SLC20A2: variants seen among roughly 807,000 people sequenced by gnomAD.
The protein encoded by SLC20A2 is sodium-dependent phosphate transporter 2.
A neutral mutation model predicts 61.0 loss-of-function variants in SLC20A2; 30 were observed. The ratio of observed to expected loss-of-function variants is 0.49; its 90% CI spans 0.37 to 0.67. SLC20A2 has a LOEUF of 0.67. SLC20A2 is among the 30% of genes least tolerant of loss of function. SLC20A2 has a pLI of 0.00. For synonymous variants in SLC20A2, 351 were observed against 353.3 expected (o/e 0.99, Z 0.07); for missense variants, 626 against 866.4 (o/e 0.72, Z 3.48).
intron 5 of SLC20A2, among the ~76,000 whole-genome samples, chr8:42,452,042 AGGGG>A (rs1298559105): frequency 0.015 from 1,667 of 112,912 alleles, 328 homozygotes; most frequent in African/African-American, 0.063. Flanking sequence ...GGAGGAAGAG[AGGGG>A]GAGGAAGAGA....
At chr8:42,454,848 G>A (rs1187534784) in intron 5 of SLC20A2, among the ~76,000 whole-genome samples, 2 of 152,062 alleles carry the variant, frequency 1.3e-5, no homozygotes, top group Non-Finnish European at 2.9e-5. Context: ...GGGATGACAG[G>A]TGTTAACCAC....
At position 42,472,044 on chromosome 8, in the gene SLC20A2, T is replaced by C. The variant is rs947617991; in HGVS notation, c.289+58A>G. 4.0e-6 allele frequency: 6 copies of C among 1,510,284 alleles called. No homozygotes were observed. In the African/African-American group the frequency reaches 4.1e-5, roughly 10 times the overall value. 93.6% of individuals were successfully genotyped at this position (1,510,284 alleles called of 1,614,324 possible). On this transcript the variant is annotated intron_variant, in intron 2 of 10. Coordinates refer to ENST00000520262, the MANE Select transcript of SLC20A2 (RefSeq NM_001257180.2). The surrounding 1 kb of genome is among the most constrained non-coding windows in gnomAD (Gnocchi z 4.1). ...ACATTTATGGATATGGGCAAAGTAC[T>C]GCAGGGAAGCGGGTCAGTGGGCGGA...
intron 4 of SLC20A2, among the ~76,000 whole-genome samples, chr8:42,462,023 T>A (rs1806744898): frequency 6.6e-6 from 1 of 152,106 alleles, no homozygotes; most frequent in Non-Finnish European, 1.5e-5. Flanking sequence ...CTAAGTGCCG[T>A]GATGGCAAGG....
chr8:42,429,993 C>T (rs767653062), intron 9 of SLC20A2, 71 bp downstream of exon 9: 127 of 1,383,690 alleles, frequency 9.2e-5, no homozygotes, highest in Non-Finnish European at 1.2e-4. Flanking sequence ...GCCGTTCAGA[C>T]ACAGCCGGGA....
upstream of SLC20A2, among the ~76,000 whole-genome samples, chr8:42,503,370 G>A (rs118170864): frequency 3.7e-4 from 56 of 152,158 alleles, no homozygotes; most frequent in Admixed American, 1.6e-3. Context: ...CAGGGAAGGC[G>A]GTGACCTATG....
At chr8:42,497,206 T>C (rs537268076) in intron 1 of SLC20A2, among the ~76,000 whole-genome samples, 134 of 152,274 alleles carry the variant, frequency 8.8e-4, no homozygotes, top group Non-Finnish European at 1.6e-3. Context: ...CTTTAGAGAG[T>C]ACATTGAAAA....
intron 8 of SLC20A2, among the ~76,000 whole-genome samples, chr8:42,435,299 T>C (rs1804164686): frequency 2.0e-5 from 3 of 152,010 alleles, no homozygotes. Flanking sequence ...GCGTAGCCCA[T>C]GGGGAGTCAC....
At chr8:42,530,639 A>AG (rs1812259121) in intron 1 of SLC20A2, among the ~76,000 whole-genome samples, 1 of 152,248 alleles carries the variant, frequency 6.6e-6, no homozygotes, top group Non-Finnish European at 1.5e-5. Context: ...TAAAAAAGAC[A>AG]TCTGGTAAAC....
At chr8:42,473,091 G>A (rs939191397) in intron 1 of SLC20A2, among the ~76,000 whole-genome samples, 15 of 152,194 alleles carry the variant, frequency 9.9e-5, no homozygotes, top group Non-Finnish European at 2.1e-4. Context: ...ATACCACTGG[G>A]TGTGGCCAAC....
intron 1 of SLC20A2, among the ~76,000 whole-genome samples, chr8:42,497,541 C>T (rs1810016276): frequency 6.6e-6 from 1 of 152,084 alleles, no homozygotes; most frequent in African/African-American, 2.4e-5. Flanking sequence ...GGACCTGACC[C>T]TTTTATTCTA....
chr8:42,489,872 G>C (rs995873007), intron 1 of SLC20A2, among the ~76,000 whole-genome samples: 10 of 152,218 alleles, frequency 6.6e-5, no homozygotes, highest in Non-Finnish European at 1.5e-5. Context: ...GGCAGCTCAA[G>C]AGTGGCCTTC....
chr8:42,428,441 A>G (rs912067288), intron 10 of SLC20A2, among the ~76,000 whole-genome samples: 6 of 152,260 alleles, frequency 3.9e-5, no homozygotes, highest in African/African-American at 1.4e-4. Flanking sequence ...GCCCACAGGT[A>G]TGCCCAGCGC....
chr8:42,430,971 C>T (rs1377867257), intron 8 of SLC20A2, among the ~76,000 whole-genome samples: 1 of 152,184 alleles, frequency 6.6e-6, no homozygotes, highest in African/African-American at 2.4e-5. Flanking sequence ...CCTTGTCTCT[C>T]TCCCTCTCCT....
chr8:42,460,127 G>A, intron 4 of SLC20A2, 135 bp from the exon 5 acceptor site: 2 of 589,432 alleles, frequency 3.4e-6, no homozygotes, highest in Non-Finnish European at 6.2e-6. Context: ...GATGGGCGTT[G>A]TCACTGCCTG....
At chr8:42,427,126 C>T (rs552955285) in intron 10 of SLC20A2, among the ~76,000 whole-genome samples, 4 of 152,346 alleles carry the variant, frequency 2.6e-5, no homozygotes, top group East Asian at 1.9e-4. Context: ...CAGGCGGAGC[C>T]GGGGAGGAGG....
intron 1 of SLC20A2, among the ~76,000 whole-genome samples, chr8:42,525,581 C>CAAAAAAAAA (rs34356863): frequency 1.0e-4 from 7 of 68,714 alleles, no homozygotes; most frequent in East Asian, 4.1e-4. Flanking sequence ...GACTCTGTCT[C>CAAAAAAAAA]AAAAAAAAAA....
chr8:42,505,297 T>TG (rs1810604379), upstream of SLC20A2, among the ~76,000 whole-genome samples: 1 of 151,976 alleles, frequency 6.6e-6, no homozygotes, highest in African/African-American at 2.4e-5. Context: ...TTTGTAGAGA[T>TG]GGAGTTTTGC....
intron 8 of SLC20A2, among the ~76,000 whole-genome samples, chr8:42,435,105 G>T (rs551513513): frequency 6.6e-6 from 1 of 152,166 alleles, no homozygotes; most frequent in African/African-American, 2.4e-5. Context: ...GAAGTGGGAC[G>T]GTGTGGGGGC....
At chr8:42,527,605 C>T (rs190786127) in intron 1 of SLC20A2, among the ~76,000 whole-genome samples, 2 of 151,904 alleles carry the variant, frequency 1.3e-5, no homozygotes, top group Non-Finnish European at 2.9e-5. Flanking sequence ...CCCATATCTA[C>T]TAAAAATACA....
Sources: allele counts gnomAD v4.1 joint callset (sites outside exome capture counted in the v4.1 genomes callset), GRCh38; gene constraint gnomAD v4.1.1; non-coding constraint Gnocchi (gnomAD v3.1); transcripts MANE v1.5; gene names NCBI Gene and HGNC (gene_info 2026-07-23, HGNC 2026-07-21).